The following AGMO variants were observed in gnomAD, a reference collection of about 807,000 sequenced individuals.
The protein encoded by AGMO is alkylglycerol monooxygenase, also known as glyceryl-ether monooxygenase.
In AGMO, 75 loss-of-function variants were observed where a neutral mutation model predicts 60.2. The ratio of observed to expected loss-of-function variants is 1.25; its 90% CI spans 1.03 to 1.51. The LOEUF (loss-of-function observed/expected upper bound fraction) is 1.51, where lower values mean the gene tolerates loss of function less well. Ranked by LOEUF, AGMO falls within the 40% of genes most tolerant of loss-of-function variation. AGMO has a pLI of 0.00. For synonymous variants in AGMO, 261 were observed against 177.1 expected (o/e 1.47, Z -3.76); for missense variants, 763 against 525.5 (o/e 1.45, Z -4.42).
chr7:15,472,559 G>A (rs1782476753), intron 3 of AGMO, among the ~76,000 whole-genome samples: 1 of 151,886 alleles, frequency 6.6e-6, no homozygotes, highest in African/African-American at 2.4e-5. Context: ...GTAAAATGCA[G>A]TGTTGCTTTG....
intron 12 of AGMO, among the ~76,000 whole-genome samples, chr7:15,206,958 ATCTT>A (rs1448505409): frequency 6.6e-6 from 1 of 152,180 alleles, no homozygotes; most frequent in Non-Finnish European, 1.5e-5. Context: ...CAAATGCAGA[ATCTT>A]TCATTTCACG....
At chr7:15,271,388 T>C (rs1290897356) in intron 12 of AGMO, among the ~76,000 whole-genome samples, 2 of 152,188 alleles carry the variant, frequency 1.3e-5, no homozygotes, top group Admixed American at 6.6e-5. Context: ...TTCAGCTTCT[T>C]GGTTAAATGT....
intron 3 of AGMO, among the ~76,000 whole-genome samples, chr7:15,535,389 C>T (rs1306931584): frequency 6.6e-6 from 1 of 151,766 alleles, no homozygotes; most frequent in African/African-American, 2.4e-5. Context: ...AAGTACATTA[C>T]AAAATGAAGT....
At chr7:15,462,583 A>AC (rs1782170863) in intron 3 of AGMO, among the ~76,000 whole-genome samples, 5 of 152,202 alleles carry the variant, frequency 3.3e-5, no homozygotes, top group Non-Finnish European at 5.9e-5. Context: ...TGCAGGTTGC[A>AC]AGACATGTAC....
chr7:15,163,860 C>T, the AGMO span, among the ~76,000 whole-genome samples: 2 of 151,852 alleles, frequency 1.3e-5, no homozygotes, highest in African/African-American at 4.8e-5. Flanking sequence ...GGGAGAAATC[C>T]CTCCTCTTTG....
intron 12 of AGMO, among the ~76,000 whole-genome samples, chr7:15,292,548 T>C (rs539934808): frequency 6.8e-4 from 103 of 152,224 alleles, no homozygotes; most frequent in Non-Finnish European, 1.3e-3. Flanking sequence ...TTTTTAATAT[T>C]TTAAACTTAA....
chr7:15,439,277 G>T (rs569666331), intron 3 of AGMO, among the ~76,000 whole-genome samples: 1 of 152,196 alleles, frequency 6.6e-6, no homozygotes, highest in East Asian at 1.9e-4. Flanking sequence ...CACACCTGTA[G>T]TCCCAGCTAC....
At chr7:15,538,572 A>G (rs1302970616) in intron 3 of AGMO, among the ~76,000 whole-genome samples, 2 of 152,110 alleles carry the variant, frequency 1.3e-5, no homozygotes, top group Admixed American at 1.3e-4. Context: ...AGAATGTCAT[A>G]ATGTATAGCA....
At chr7:15,120,482 G>C in the AGMO span, among the ~76,000 whole-genome samples, 9 of 152,274 alleles carry the variant, frequency 5.9e-5, no homozygotes, top group Admixed American at 5.2e-4. Flanking sequence ...GAGGTAATTA[G>C]TTATAGATAA....
At chr7:15,171,235 C>T in the AGMO span, among the ~76,000 whole-genome samples, 3 of 152,186 alleles carry the variant, frequency 2.0e-5, no homozygotes, top group Non-Finnish European at 2.9e-5. Flanking sequence ...CCTGCCTCAG[C>T]CTCCCAAAGT....
At chr7:15,304,825 C>A (rs1435895303) in intron 12 of AGMO, among the ~76,000 whole-genome samples, 1 of 151,972 alleles carries the variant, frequency 6.6e-6, no homozygotes, top group Non-Finnish European at 1.5e-5. Context: ...ATCATATATT[C>A]TCATGAAAAT....
intron 3 of AGMO, among the ~76,000 whole-genome samples, chr7:15,448,927 G>A (rs1238616519): frequency 6.6e-6 from 1 of 152,158 alleles, no homozygotes; most frequent in Non-Finnish European, 1.5e-5. Context: ...TTTTAAGGAA[G>A]AGGAAATTGT....
chr7:15,387,450 C>G lies in AGMO; in HGVS notation c.913G>C (p.Gly305Arg). ...FSVIFKGPGW[G>R]PGKPRLGLSE... ...AGACCAAGTCTTGGTTTACCTGGAC[C>G]CCATCCCGGTCCCTTAAATATGACA... is the stretch of plus-strand genomic sequence containing the variant. Residue 305 changes from glycine (G) to arginine (R), a missense_variant, in exon 9 of 13, where the codon GGT (glycine) becomes CGT (arginine). By Grantham distance (125) the Gly-to-Arg change is moderately radical. Transcript: ENST00000342526. 1.9e-6 allele frequency: 3 copies of G among 1,613,998 alleles called. No homozygotes were observed. Among genetic ancestry groups the G allele is most frequent in the Non-Finnish European group, 2.5e-6 (3 of 1,179,936 alleles).
chr7:15,251,803 C>G (rs1444262142), intron 12 of AGMO, among the ~76,000 whole-genome samples: 1 of 152,206 alleles, frequency 6.6e-6, no homozygotes, highest in Non-Finnish European at 1.5e-5. Context: ...GACAACACAG[C>G]TTTGCCTTAC....
intron 3 of AGMO, among the ~76,000 whole-genome samples, chr7:15,461,893 C>T (rs4133184): frequency 0.36 from 54,427 of 151,666 alleles, 10,764 homozygotes; most frequent in Non-Finnish European, 0.46. Flanking sequence ...TTCAATGTCA[C>T]GATAAAAAAG....
chr7:15,316,130 C>G (rs1398959531), intron 12 of AGMO, among the ~76,000 whole-genome samples: 1 of 152,154 alleles, frequency 6.6e-6, no homozygotes, highest in African/African-American at 2.4e-5. Context: ...GAAGTCCCAA[C>G]ACTTGTGCCC....
intron 1 of AGMO, 26 bp downstream of exon 1, chr7:15,561,694 A>G: frequency 1.9e-6 from 3 of 1,586,786 alleles, no homozygotes; most frequent in Non-Finnish European, 2.6e-6. Flanking sequence ...CAAGAATAAG[A>G]GTAGCCTCTT....
At chr7:15,202,150 TGCA>T (rs1781307002) in intron 12 of AGMO, among the ~76,000 whole-genome samples, 1 of 152,104 alleles carries the variant, frequency 6.6e-6, no homozygotes, top group Non-Finnish European at 1.5e-5. Flanking sequence ...GGGATAGCTG[TGCA>T]GGAGTTTCTC....
intron 3 of AGMO, among the ~76,000 whole-genome samples, chr7:15,530,579 C>T (rs1306074080): frequency 1.3e-4 from 9 of 66,844 alleles, no homozygotes; most frequent in South Asian, 9.3e-4. Context: ...ATTCTATATA[C>T]GTATTTCTAT....
Sources: allele counts gnomAD v4.1 joint callset (sites outside exome capture counted in the v4.1 genomes callset), GRCh38; gene constraint gnomAD v4.1.1; transcripts MANE v1.5; gene names NCBI Gene and HGNC (gene_info 2026-07-23, HGNC 2026-07-21).